PIP4K2A: variants seen among roughly 807,000 people sequenced by gnomAD.
PIP4K2A encodes the protein phosphatidylinositol-5-phosphate 4-kinase type 2 alpha.
PIP4K2A carries 14 observed loss-of-function variants against 42.9 expected under a neutral mutation model. The ratio of observed to expected loss-of-function variants is 0.33; its 90% CI spans 0.22 to 0.51. The LOEUF (loss-of-function observed/expected upper bound fraction) is 0.51, where lower values mean the gene tolerates loss of function less well. Ranked by LOEUF, PIP4K2A falls within the 20% of genes least tolerant of loss-of-function variation. The pLI is 0.97. For missense variants in PIP4K2A, 434 were observed against 519.8 expected, an observed-to-expected ratio of 0.83 and a Z score of 1.61; for synonymous variants, 192 against 192.2, an observed-to-expected ratio of 1.00 and a Z score of 0.01.
At chr10:22,706,427 C>T (rs1833823571) in intron 1 of PIP4K2A, among the ~76,000 whole-genome samples, 1 of 152,196 alleles carries the variant, frequency 6.6e-6, no homozygotes, top group South Asian at 2.1e-4. Flanking sequence ...GGCCTTTGCA[C>T]CAGCTGACCC....
intron 1 of PIP4K2A, among the ~76,000 whole-genome samples, chr10:22,690,515 T>C (rs547641647): frequency 6.6e-6 from 1 of 152,250 alleles, no homozygotes; most frequent in Non-Finnish European, 1.5e-5. Flanking sequence ...GAAAAGTTTT[T>C]ACATCTCCTC....
chr10:22,576,965 T>C (rs1250194677), intron 4 of PIP4K2A, among the ~76,000 whole-genome samples: 1 of 151,070 alleles, frequency 6.6e-6, no homozygotes, highest in Non-Finnish European at 1.5e-5. Flanking sequence ...TCCCAGCTAC[T>C]CAGGAGGCTG....
intron 4 of PIP4K2A, among the ~76,000 whole-genome samples, chr10:22,575,922 A>G (rs1837105639): frequency 6.6e-6 from 1 of 151,818 alleles, no homozygotes; most frequent in African/African-American, 2.4e-5. Flanking sequence ...TAGGTGACAG[A>G]GCAAGACGCC....
At position 22,707,887 on chromosome 10, in the gene PIP4K2A, C is replaced by G. The variant is rs955115577; in HGVS notation, c.144+6296G>C. Among the ~76,000 whole-genome samples, 16 of 152,194 alleles carry G rather than the reference C, an allele frequency of 1.1e-4. 1 individual carries two copies. The highest frequency in any genetic ancestry group is 3.9e-4 in the African/African-American group (16 of 41,436). On this transcript the variant is annotated intron_variant, in intron 1 of 9. Transcript: ENST00000376573. ...CCTTGAACTTGCTAGGACATATCCT[C>G]TGTATTTTCATTTATTCCTTTAAAA...
At chr10:22,629,398 T>C (rs1247482160) in intron 1 of PIP4K2A, among the ~76,000 whole-genome samples, 1 of 152,198 alleles carries the variant, frequency 6.6e-6, no homozygotes, top group Non-Finnish European at 1.5e-5. Flanking sequence ...CATACTGCAA[T>C]TGGCAGAGGA....
chr10:22,645,134 T>C (rs967016879), intron 1 of PIP4K2A, among the ~76,000 whole-genome samples: 1 of 152,236 alleles, frequency 6.6e-6, no homozygotes, highest in Middle Eastern at 3.2e-3. Flanking sequence ...AAATTTTGAT[T>C]CTCCACACTA....
intron 1 of PIP4K2A, among the ~76,000 whole-genome samples, chr10:22,700,464 T>C (rs369055164): frequency 9.9e-5 from 15 of 152,230 alleles, no homozygotes; most frequent in African/African-American, 3.6e-4. Flanking sequence ...CTTGGGAACG[T>C]GACATGAGAA....
At chr10:22,688,165 A>G (rs1025942518) in intron 1 of PIP4K2A, among the ~76,000 whole-genome samples, 1 of 152,230 alleles carries the variant, frequency 6.6e-6, no homozygotes, top group East Asian at 1.9e-4. Flanking sequence ...AGGGTCCACC[A>G]AAGTGACAAT....
chr10:22,615,441 T>C (rs1222758669), intron 1 of PIP4K2A, among the ~76,000 whole-genome samples: 1 of 152,190 alleles, frequency 6.6e-6, no homozygotes, highest in African/African-American at 2.4e-5. Context: ...GATACTTATA[T>C]TGGGAACACG....
intron 3 of PIP4K2A, among the ~76,000 whole-genome samples, chr10:22,593,794 G>A (rs1189806655): frequency 6.6e-6 from 1 of 152,188 alleles, no homozygotes; most frequent in African/African-American, 2.4e-5. Context: ...AAGCCAGGTG[G>A]AGCAGACCAA....
chr10:22,702,466 C>T (rs947791721), intron 1 of PIP4K2A, among the ~76,000 whole-genome samples: 1 of 152,230 alleles, frequency 6.6e-6, no homozygotes, highest in Non-Finnish European at 1.5e-5. Context: ...AGTCTTCACG[C>T]AGTTCACTTG....
intron 1 of PIP4K2A, among the ~76,000 whole-genome samples, chr10:22,652,877 C>A (rs1332703371): frequency 6.6e-6 from 1 of 152,100 alleles, no homozygotes; most frequent in African/African-American, 2.4e-5. Flanking sequence ...GAGGATCACT[C>A]GAGCCCAGTA....
At chr10:22,557,112 ATCT>A (rs1836573444) in intron 6 of PIP4K2A, among the ~76,000 whole-genome samples, 1 of 152,192 alleles carries the variant, frequency 6.6e-6, no homozygotes, top group Non-Finnish European at 1.5e-5. Context: ...GGTATCAATG[ATCT>A]CTAAGGACAG....
chr10:22,645,162 T>C (rs1316085058), intron 1 of PIP4K2A, among the ~76,000 whole-genome samples: 1 of 152,236 alleles, frequency 6.6e-6, no homozygotes, highest in African/African-American at 2.4e-5. Flanking sequence ...GCAACTCATT[T>C]TGAAAACGCA....
At chr10:22,611,330 C>G (rs974974369) in intron 1 of PIP4K2A, among the ~76,000 whole-genome samples, 9 of 151,596 alleles carry the variant, frequency 5.9e-5, no homozygotes, top group African/African-American at 1.5e-4. Context: ...TTCAAGGCTG[C>G]AGTGAGCTGT....
At chr10:22,636,069 C>T (rs571399038) in intron 1 of PIP4K2A, among the ~76,000 whole-genome samples, 10 of 152,076 alleles carry the variant, frequency 6.6e-5, no homozygotes, top group African/African-American at 2.2e-4. Flanking sequence ...GAATTGATAA[C>T]GCCACAAAGG....
chr10:22,713,507 G>A (rs1377000542), intron 1 of PIP4K2A, among the ~76,000 whole-genome samples: 1 of 152,224 alleles, frequency 6.6e-6, no homozygotes, highest in Non-Finnish European at 1.5e-5. Flanking sequence ...CACAGCGGCA[G>A]GGCGATGCGG....
At chr10:22,652,339 T>C (rs572934421) in intron 1 of PIP4K2A, among the ~76,000 whole-genome samples, 1 of 152,116 alleles carries the variant, frequency 6.6e-6, no homozygotes, top group Admixed American at 6.5e-5. Context: ...CAGGCTGGTA[T>C]TGAACTCCTG....
chr10:22,692,280 T>C (rs11013098), intron 1 of PIP4K2A, among the ~76,000 whole-genome samples: 49,758 of 151,820 alleles, frequency 0.33, 8,569 homozygotes, highest in South Asian at 0.4. Context: ...CTAATGCTGC[T>C]GCTGATCTGA....
Sources: allele counts gnomAD v4.1 joint callset (sites outside exome capture counted in the v4.1 genomes callset), GRCh38; gene constraint gnomAD v4.1.1; transcripts MANE v1.5; gene names NCBI Gene and HGNC (gene_info 2026-07-23, HGNC 2026-07-21).